CSMD2: variants seen among roughly 807,000 people sequenced by gnomAD.
The protein encoded by CSMD2 is CUB and sushi domain-containing protein 2.
CSMD2 carries 130 observed loss-of-function variants against 398.5 expected under a neutral mutation model. That is an observed-to-expected ratio of 0.33 (90% CI 0.28 to 0.38). The LOEUF (loss-of-function observed/expected upper bound fraction) is 0.38. Ranked by LOEUF, CSMD2 falls within the 10% of genes least tolerant of loss-of-function variation. The pLI is 1.00. For missense variants in CSMD2, 3,829 were observed against 4,764.9 expected (o/e 0.80, Z 5.78); for synonymous variants, 1,828 against 1,908.5 (o/e 0.96, Z 1.10).
intron 44 of CSMD2, among the ~76,000 whole-genome samples, chr1:33,596,136 G>C (rs1358187605): frequency 1.3e-5 from 2 of 152,042 alleles, no homozygotes; most frequent in Non-Finnish European, 2.9e-5. Flanking sequence ...TAACGTATTC[G>C]ATCAGTCACC....
chr1:33,986,007 A>C (rs1204307492), intron 3 of CSMD2, among the ~76,000 whole-genome samples: 3 of 152,126 alleles, frequency 2.0e-5, no homozygotes, highest in African/African-American at 7.2e-5. Flanking sequence ...ATGCTCCATT[A>C]ATAAGTCTGA....
rs748835820 is a variant in CSMD2, at chr1:33,820,500, C to T, written c.1168G>A (p.Glu390Lys). Residue 390 changes from glutamate (E) to lysine (K), a missense_variant, in exon 8 of 71, where the codon GAA (glutamate) becomes AAA (lysine). Glu to Lys is a moderately conservative substitution (Grantham distance 56, BLOSUM62 1). Around this residue, in one of 5 missense-constraint regions of CSMD2, gnomAD observed 2,001 missense variants for 2,567.1 expected, o/e 0.78. Coordinates refer to ENST00000373381, the MANE Select transcript of CSMD2 (RefSeq NM_001281956.2). ...HNMCPDPGIPERGKRLGSDFR... is the reference protein window; with the variant it reads ...HNMCPDPGIPKRGKRLGSDFR... ...TCCGAGCCTAGTCTTTTGCCCCTTT[C>T]GGGTATGCCAGGGTCTGGACACATA... The T allele has an allele frequency of 1.5e-5, 23 of 1,549,598 alleles. No individual in the cohort carries two copies. Among genetic ancestry groups the T allele is most frequent in the Admixed American group, 3.6e-5 (2 of 56,276 alleles).
intron 6 of CSMD2, among the ~76,000 whole-genome samples, chr1:33,836,973 C>G (rs1660352747): frequency 2.0e-5 from 3 of 152,236 alleles, no homozygotes; most frequent in African/African-American, 7.2e-5. Flanking sequence ...GAGCTGTAGA[C>G]TGGAGCTGTT....
At position 33,577,341 on chromosome 1, in the gene CSMD2, G is replaced by A; in HGVS notation, c.7531C>T (p.Pro2511Ser). ...TCGCTCCACAGGTGGTAGCCCTGGG[G>A]GTGCCGGGTACAGATGGCCATGCTG... ...GHSMAICTRH[P>S]QGYHLWSEAI... Residue 2511 changes from proline (P) to serine (S), a missense_variant, in exon 49 of 71, where the codon CCC becomes TCC. Coordinates refer to ENST00000373381, the MANE Select transcript of CSMD2 (RefSeq NM_001281956.2). The A allele has an allele frequency of 1.2e-6, 2 of 1,613,846 alleles. No individual in the cohort carries two copies. The highest frequency in any genetic ancestry group is 1.1e-5 in the South Asian group (1 of 91,020).
rs35932181 is a variant in CSMD2 at position 33,908,085 on chromosome 1, CAAAAAAA to C, written c.920+10002_920+10008del. Among the ~76,000 whole-genome samples, 308 of 77,124 alleles carry C rather than the reference CAAAAAAA, an allele frequency of 4.0e-3. 1 individual carries two copies. Among genetic ancestry groups the C allele is most frequent in the Non-Finnish European group, 6.0e-3 (258 of 42,728 alleles). 50.6% of individuals were successfully genotyped at this position (77,124 alleles called of 152,430 possible). ...TGGCTGACAGAGCAAGACTCCATCT[CAAAAAAA>C]AAAAAAAAAAAAAAAGAAAAGTAAA... On this transcript the variant is annotated intron_variant, in intron 5 of 70. Coordinates refer to ENST00000373381, the MANE Select transcript of CSMD2 (RefSeq NM_001281956.2).
intron 1 of CSMD2, among the ~76,000 whole-genome samples, chr1:34,146,103 G>T (rs914428615): frequency 6.6e-6 from 1 of 152,154 alleles, no homozygotes; most frequent in Non-Finnish European, 1.5e-5. Context: ...ACCCAGGCTG[G>T]AGTGCGATGG....
intron 3 of CSMD2, among the ~76,000 whole-genome samples, chr1:33,975,400 C>A (rs1381797706): frequency 6.6e-6 from 1 of 151,804 alleles, no homozygotes. Context: ...GTATCAGGGA[C>A]ATAATACACG....
At chr1:33,868,418 C>A (rs1236557537) in intron 5 of CSMD2, among the ~76,000 whole-genome samples, 1 of 152,030 alleles carries the variant, frequency 6.6e-6, no homozygotes, top group Non-Finnish European at 1.5e-5. Flanking sequence ...TCTCACGTTC[C>A]GGTGAGGAGA....
intron 50 of CSMD2, 81 bp downstream of exon 50, chr1:33,572,425 T>G: frequency 7.6e-7 from 1 of 1,307,356 alleles, no homozygotes; most frequent in Non-Finnish European, 1.0e-6. Context: ...TTACTTTGCT[T>G]TTAGCTCACT....
intron 20 of CSMD2, among the ~76,000 whole-genome samples, chr1:33,715,308 C>T (rs1646130683): frequency 6.6e-6 from 1 of 152,026 alleles, no homozygotes; most frequent in African/African-American, 2.4e-5. Context: ...ACTCCAAATG[C>T]CTGACGAGAA....
intron 5 of CSMD2, among the ~76,000 whole-genome samples, chr1:33,858,910 G>A (rs1160739767): frequency 6.6e-6 from 1 of 152,240 alleles, no homozygotes; most frequent in Non-Finnish European, 1.5e-5. Context: ...GTGAATTAGT[G>A]AATTAGTGAC....
At chr1:33,605,744 T>A in intron 41 of CSMD2, 1 of 859,172 alleles carries the variant, frequency 1.2e-6, no homozygotes, top group East Asian at 2.6e-5. Flanking sequence ...CTATTATTAG[T>A]AATTCCGTAG....
chr1:33,925,550 T>C (rs1253480633), intron 4 of CSMD2, among the ~76,000 whole-genome samples: 1 of 152,176 alleles, frequency 6.6e-6, no homozygotes, highest in African/African-American at 2.4e-5. Context: ...TCCTTATGAA[T>C]TTTAGGATTG....
At chr1:34,109,394 T>C (rs1161612791) in intron 1 of CSMD2, among the ~76,000 whole-genome samples, 1 of 152,208 alleles carries the variant, frequency 6.6e-6, no homozygotes, top group African/African-American at 2.4e-5. Context: ...AGTATGGCCC[T>C]GGCTCAGCTC....
intron 13 of CSMD2, among the ~76,000 whole-genome samples, chr1:33,751,377 C>T (rs537200989): frequency 2.0e-5 from 3 of 152,114 alleles, no homozygotes; most frequent in East Asian, 1.9e-4. Flanking sequence ...GACTGCTGAG[C>T]GCCATGTATC....
chr1:33,726,693 G>A lies in CSMD2; in HGVS notation c.2369-8C>T. Reference sequence around the variant, plus strand: ...GGTGACCACCACAGGGAGCTGGGGGGACAGAAGGAAGAGAGGCAGCTTTCT... The same window carrying A: ...GGTGACCACCACAGGGAGCTGGGGGAACAGAAGGAAGAGAGGCAGCTTTCT... On this transcript the variant is annotated splice_region_variant and splice_polypyrimidine_tract_variant and intron_variant, in intron 15 of 70. Transcript: ENST00000373381. 1 of 1,605,330 alleles carries A rather than the reference G, an allele frequency of 6.2e-7. No individual in the cohort carries two copies. Among genetic ancestry groups the A allele is most frequent in the East Asian group, 2.2e-5 (1 of 44,712 alleles).
rs56728239 is a variant in CSMD2, at chr1:33,865,399, C to CAA, written c.921-18405_921-18404dup. ...GGAGGAGGCAAGGGGCAGATTTTAC[C>CAA]AAAAAAAAAAAAAAAAAGCAGGGGG... On this transcript the variant is annotated intron_variant, in intron 5 of 70. Transcript: ENST00000373381. Among the ~76,000 whole-genome samples the CAA allele has an allele frequency of 4.6e-3, 553 of 120,878 alleles. 8 individuals carry two copies. In the South Asian group the frequency reaches 0.047, roughly 10 times the overall value. 79.3% of individuals were successfully genotyped at this position (120,878 alleles called of 152,430 possible).
intron 2 of CSMD2, among the ~76,000 whole-genome samples, chr1:34,088,581 A>T (rs79273564): frequency 0.012 from 1,795 of 152,352 alleles, 31 homozygotes; most frequent in African/African-American, 0.04. Context: ...CCAGAAAAGT[A>T]TTGATGGTTT....
intron 10 of CSMD2, among the ~76,000 whole-genome samples, chr1:33,806,773 A>G (rs1656280227): frequency 6.6e-6 from 1 of 152,208 alleles, no homozygotes; most frequent in Non-Finnish European, 1.5e-5. Flanking sequence ...TGAAATTAAA[A>G]TAAATCTTCA....
Sources: gnomAD v4.1 joint callset for allele counts (sites outside exome capture counted in the v4.1 genomes callset) on GRCh38, gnomAD v4.1.1 for gene constraint, gnomAD v4.1.1 regional missense constraint, MANE v1.5 for transcripts, NCBI Gene and HGNC (gene_info 2026-07-23, HGNC 2026-07-21) for gene names.